CTNNA2: variants seen among roughly 807,000 people sequenced by gnomAD.
The protein encoded by CTNNA2 is catenin alpha-2.
Under a neutral mutation model 101.0 loss-of-function variants are expected in CTNNA2, and 42 were observed. The ratio of observed to expected loss-of-function variants is 0.42; its 90% CI spans 0.32 to 0.54. The LOEUF (loss-of-function observed/expected upper bound fraction) is 0.54. Ranked by LOEUF, CTNNA2 falls within the 20% of genes least tolerant of loss-of-function variation. CTNNA2 has a pLI of 0.14. For synonymous variants in CTNNA2, 450 were observed against 456.4 expected (o/e 0.99, Z 0.18); for missense variants, 871 against 1,223.1 (o/e 0.71, Z 4.29).
chr2:79,267,731 G>C (rs183054080), intron 2 of CTNNA2, among the ~76,000 whole-genome samples: 87 of 152,212 alleles, frequency 5.7e-4, no homozygotes, highest in African/African-American at 2.0e-3. Context: ...CTGAACTGGT[G>C]GTGGGGACAG....
chr2:79,194,302 A>C (rs959539554), intron 1 of CTNNA2, among the ~76,000 whole-genome samples: 1 of 152,246 alleles, frequency 6.6e-6, no homozygotes, highest in Middle Eastern at 3.4e-3. Context: ...AGGGTCTTTC[A>C]AGGGATTGCA....
intron 7 of CTNNA2, among the ~76,000 whole-genome samples, chr2:80,318,400 T>C (rs12612562): frequency 0.096 from 14,595 of 152,214 alleles, 1,017 homozygotes; most frequent in East Asian, 0.38. Flanking sequence ...GTCCAGGTTG[T>C]ATTCCTGGTG....
At chr2:79,721,719 T>C (rs1686502067) in intron 2 of CTNNA2, among the ~76,000 whole-genome samples, 1 of 152,230 alleles carries the variant, frequency 6.6e-6, no homozygotes, top group African/African-American at 2.4e-5. Flanking sequence ...CAAAACCTTT[T>C]AATATAGCAG....
At chr2:80,454,549 A>G (rs928213456) in intron 9 of CTNNA2, among the ~76,000 whole-genome samples, 1 of 152,224 alleles carries the variant, frequency 6.6e-6, no homozygotes, top group African/African-American at 2.4e-5. Flanking sequence ...AACGTGTTCA[A>G]ATGTTAGATT....
In CTNNA2 at chr2:80,429,512, G is replaced by A. The variant is rs73941125; in HGVS notation, c.1290+9911G>A. ...AAGGTATCTGTACAGCCTAAAGTCTGATCCTTCATGTAATTATTTAGTACA... is the reference window on the plus strand; with the variant it reads ...AAGGTATCTGTACAGCCTAAAGTCTAATCCTTCATGTAATTATTTAGTACA... On this transcript the variant is annotated intron_variant, in intron 9 of 18. Coordinates refer to ENST00000402739, the MANE Select transcript of CTNNA2 (RefSeq NM_001282597.3). Among the ~76,000 whole-genome samples the A allele has an allele frequency of 9.9e-3, 1,503 of 152,276 alleles. 29 individuals are homozygous for A. Among genetic ancestry groups the A allele is most frequent in the African/African-American group, 0.034 (1,414 of 41,560 alleles).
chr2:79,719,066 C>T (rs540007377), intron 2 of CTNNA2, among the ~76,000 whole-genome samples: 5 of 152,168 alleles, frequency 3.3e-5, no homozygotes, highest in African/African-American at 1.2e-4. Flanking sequence ...TAGTCGTTTA[C>T]AGCATCTATT....
At chr2:79,708,130 T>A (rs74830611) in intron 2 of CTNNA2, among the ~76,000 whole-genome samples, 1 of 152,208 alleles carries the variant, frequency 6.6e-6, no homozygotes, top group African/African-American at 2.4e-5. Flanking sequence ...ATCAAGTGAT[T>A]GTAGAGGAAG....
chr2:80,061,330 G>GA (rs1302964287), intron 7 of CTNNA2, among the ~76,000 whole-genome samples: 1 of 152,048 alleles, frequency 6.6e-6, no homozygotes, highest in Non-Finnish European at 1.5e-5. Flanking sequence ...GACAAAAAAG[G>GA]AAAAAACTGT....
In CTNNA2 at chr2:80,581,621, G is replaced by A. The variant is rs560111869; in HGVS notation, c.1894-85G>A. ...ATGCTATAAGCTCTGTTTGCTGGGG[G>A]ATATTTAGCCTTTGCAATGAAGTGT... On this transcript the variant is annotated intron_variant, in intron 13 of 18. Transcript: ENST00000402739. 29 of 816,928 alleles carry A rather than the reference G, an allele frequency of 3.5e-5. No homozygotes were observed. The South Asian group carries it at 4.2e-4, about 12-fold the overall frequency. The allele number at this position is 816,928 out of a possible 1,614,324, so 50.6% of individuals were successfully genotyped here.
At chr2:80,076,499 T>TGTTG (rs1698761906) in intron 7 of CTNNA2, among the ~76,000 whole-genome samples, 1 of 151,994 alleles carries the variant, frequency 6.6e-6, no homozygotes, top group African/African-American at 2.4e-5. Flanking sequence ...CCCAGGCTGG[T>TGTTG]CTCGCATTCC....
At chr2:80,473,333 G>T (rs1685463662) in intron 9 of CTNNA2, among the ~76,000 whole-genome samples, 1 of 152,156 alleles carries the variant, frequency 6.6e-6, no homozygotes, top group Non-Finnish European at 1.5e-5. Flanking sequence ...TTACGAAACA[G>T]AATACAAAAT....
chr2:79,983,718 G>T (rs532944487), intron 7 of CTNNA2, among the ~76,000 whole-genome samples: 4 of 152,214 alleles, frequency 2.6e-5, no homozygotes, highest in African/African-American at 7.2e-5. Context: ...TAAATTCTCT[G>T]TTTTTAAGAA....
At chr2:79,816,307 G>C (rs1677489186) in intron 3 of CTNNA2, among the ~76,000 whole-genome samples, 1 of 152,112 alleles carries the variant, frequency 6.6e-6, no homozygotes, top group Non-Finnish European at 1.5e-5. Flanking sequence ...GAGGAGTGAT[G>C]AGAGTGGGCA....
intron 18 of CTNNA2, among the ~76,000 whole-genome samples, chr2:80,630,279 A>G (rs1370729005): frequency 3.9e-5 from 6 of 152,222 alleles, no homozygotes; most frequent in Admixed American, 2.0e-4. Flanking sequence ...AGTTAAAACA[A>G]TTGTTTTCCT....
intron 1 of CTNNA2, among the ~76,000 whole-genome samples, chr2:79,533,582 T>C (rs980095886): frequency 6.6e-6 from 1 of 152,134 alleles, no homozygotes; most frequent in African/African-American, 2.4e-5. Context: ...GTAATTGTGT[T>C]ATAGATGATG....
chr2:80,534,641 G>A (rs1240244142), intron 9 of CTNNA2, among the ~76,000 whole-genome samples: 2 of 152,170 alleles, frequency 1.3e-5, no homozygotes, highest in Non-Finnish European at 2.9e-5. Context: ...TTTATAGAAC[G>A]AATAGTTAGA....
At chr2:80,624,584 C>T (rs1279499605) in intron 18 of CTNNA2, among the ~76,000 whole-genome samples, 1 of 151,958 alleles carries the variant, frequency 6.6e-6, no homozygotes, top group Non-Finnish European at 1.5e-5. Flanking sequence ...AGGATTGATT[C>T]TAATTTAGCC....
intron 9 of CTNNA2, among the ~76,000 whole-genome samples, chr2:80,456,450 G>A (rs1470204964): frequency 1.3e-5 from 2 of 152,162 alleles, no homozygotes; most frequent in African/African-American, 4.8e-5. Flanking sequence ...GCTATTGGAC[G>A]CGGAGGGAGC....
intron 2 of CTNNA2, among the ~76,000 whole-genome samples, chr2:79,721,522 A>T (rs369601023): frequency 4.6e-5 from 7 of 152,202 alleles, no homozygotes; most frequent in African/African-American, 1.2e-4. Context: ...AATGTGGGGG[A>T]CATATTCAAA....
Sources: allele counts gnomAD v4.1 joint callset (sites outside exome capture counted in the v4.1 genomes callset), GRCh38; gene constraint gnomAD v4.1.1; transcripts MANE v1.5; gene names NCBI Gene and HGNC (gene_info 2026-07-23, HGNC 2026-07-21).